The following NCOA2 variants were observed in gnomAD, a reference collection of about 807,000 sequenced individuals.
NCOA2 encodes the protein nuclear receptor coactivator 2.
Under a neutral mutation model 145.1 loss-of-function variants are expected in NCOA2, and 21 were observed. That is an observed-to-expected ratio of 0.14 (90% CI 0.10 to 0.21). NCOA2 has a LOEUF of 0.21. Among genes scored for constraint, NCOA2 ranks in the 10% least tolerant of loss-of-function variants. NCOA2 has a pLI of 1.00. For synonymous variants in NCOA2, 619 were observed against 637.5 expected (o/e 0.97, Z 0.44); for missense variants, 1,472 against 1,837.6 (o/e 0.80, Z 3.64).
Position 70,356,891 on chromosome 8 carries a change from A to G in NCOA2, c.-77+46809T>C, listed in dbSNP as rs531580493. 2.0e-5 allele frequency among the ~76,000 whole-genome samples: 3 copies of G among 152,322 alleles called. No individual in the cohort carries two copies. The South Asian group carries it at 6.2e-4, about 32-fold the overall frequency. On this transcript the variant is annotated intron_variant, in intron 1 of 22. Transcript: ENST00000452400. ...TTTTTACATAACAGGGAACATCATT[A>G]ATCTAGATTAAAGTCATCTTTTCTT...
At chr8:70,237,002 G>A (rs977061616) in intron 2 of NCOA2, among the ~76,000 whole-genome samples, 1 of 152,112 alleles carries the variant, frequency 6.6e-6, no homozygotes, top group African/African-American at 2.4e-5. Flanking sequence ...AGACAGAAAG[G>A]AAGTATTTCT....
At chr8:70,251,145 T>C (rs897614682) in intron 2 of NCOA2, among the ~76,000 whole-genome samples, 12 of 152,086 alleles carry the variant, frequency 7.9e-5, no homozygotes, top group African/African-American at 2.7e-4. Context: ...TAACATTAAC[T>C]AGAGAGTTTT....
At position 70,306,986 on chromosome 8, in the gene NCOA2, G is replaced by A. The variant is rs957019357; in HGVS notation, c.-76-10186C>T. ...TGAATCCAGGTCGTTCTGAATTCAAGGCCTCCACTCTCCCAGGTTGCTTCT... is the reference window on the plus strand; with the variant it reads ...TGAATCCAGGTCGTTCTGAATTCAAAGCCTCCACTCTCCCAGGTTGCTTCT... On this transcript the variant is annotated intron_variant, in intron 1 of 22. Transcript: ENST00000452400. 2.0e-5 allele frequency among the ~76,000 whole-genome samples: 3 copies of A among 152,118 alleles called. No individual in the cohort carries two copies. The East Asian group carries it at 5.8e-4, about 29-fold the overall frequency.
intron 4 of NCOA2, among the ~76,000 whole-genome samples, chr8:70,187,583 G>A (rs1816217173): frequency 6.6e-6 from 1 of 152,048 alleles, no homozygotes; most frequent in Non-Finnish European, 1.5e-5. Flanking sequence ...GGCTATGGAT[G>A]GATAAGTCAA....
chr8:70,281,429 A>C (rs1404908340), intron 2 of NCOA2, among the ~76,000 whole-genome samples: 1 of 151,690 alleles, frequency 6.6e-6, no homozygotes, highest in Non-Finnish European at 1.5e-5. Context: ...CTGCAGTTGC[A>C]TTAACTTAAA....
In NCOA2 at chr8:70,341,094, A is replaced by AAAAAAAAG. The variant is rs751360659; in HGVS notation, c.-76-44295_-76-44294insCTTTTTTT. Among the ~76,000 whole-genome samples, 186 of 150,326 alleles carry AAAAAAAAG rather than the reference A, an allele frequency of 1.2e-3. 4 individuals carry two copies. Among genetic ancestry groups the AAAAAAAAG allele is most frequent in the East Asian group, 8.9e-3 (44 of 4,966 alleles). ...AACTTAAAAAGTTGAAAAAAAAAAAAAAAGAAACAAATAGGCTGGGCATGG... is the reference window on the plus strand; with the variant it reads ...AACTTAAAAAGTTGAAAAAAAAAAAAAAAAAAAGAAAGAAACAAATAGGCTGGGCATGG... On this transcript the variant is annotated intron_variant, in intron 1 of 22. Coordinates refer to ENST00000452400, the MANE Select transcript of NCOA2 (RefSeq NM_006540.4).
At chr8:70,350,549 A>T (rs1427833719) in intron 1 of NCOA2, among the ~76,000 whole-genome samples, 1 of 152,200 alleles carries the variant, frequency 6.6e-6, no homozygotes, top group East Asian at 1.9e-4. Context: ...TTACTTACTA[A>T]ATCAATGTGA....
At chr8:70,123,675 C>CA in intron 21 of NCOA2, 1 of 417,268 alleles carries the variant, frequency 2.4e-6, no homozygotes, top group Non-Finnish European at 4.2e-6. Flanking sequence ...AAAAGCTCCT[C>CA]AAGCAGTCAG....
chr8:70,200,915 T>G (rs1305817553), intron 4 of NCOA2, among the ~76,000 whole-genome samples: 1 of 151,614 alleles, frequency 6.6e-6, no homozygotes, highest in African/African-American at 2.4e-5. Flanking sequence ...AAATGTGGTG[T>G]TGTACACCTG....
chr8:70,164,217 T>C (rs1813365987), intron 7 of NCOA2, among the ~76,000 whole-genome samples: 1 of 152,222 alleles, frequency 6.6e-6, no homozygotes, highest in South Asian at 2.1e-4. Flanking sequence ...CAGCCAATTC[T>C]AATCACTTAA....
intron 4 of NCOA2, among the ~76,000 whole-genome samples, chr8:70,212,358 T>C (rs1332323301): frequency 6.6e-6 from 1 of 152,142 alleles, no homozygotes; most frequent in African/African-American, 2.4e-5. Context: ...AACTGAGTTT[T>C]TGATAACTAG....
intron 10 of NCOA2, among the ~76,000 whole-genome samples, chr8:70,159,242 A>ATATATTTT: frequency 8.3e-4 from 51 of 61,078 alleles, no homozygotes; most frequent in African/African-American, 2.2e-3. Flanking sequence ...ATATATATAT[A>ATATATTTT]TTTTTTTTTT....
intron 1 of NCOA2, among the ~76,000 whole-genome samples, chr8:70,398,417 T>C (rs903051307): frequency 7.9e-5 from 12 of 152,130 alleles, no homozygotes; most frequent in Non-Finnish European, 1.5e-4. Flanking sequence ...GCTGTGATCA[T>C]GTCACTGCAC....
At chr8:70,161,519 T>C (rs2132387634) in intron 9 of NCOA2, among the ~76,000 whole-genome samples, 2 of 152,184 alleles carry the variant, frequency 1.3e-5, no homozygotes, top group South Asian at 4.1e-4. Flanking sequence ...AAAGAATGAA[T>C]AAGATGAGGG....
intron 4 of NCOA2, among the ~76,000 whole-genome samples, chr8:70,188,548 A>C (rs1816329101): frequency 6.6e-6 from 1 of 152,256 alleles, no homozygotes; most frequent in Admixed American, 6.5e-5. Flanking sequence ...TAATAATATT[A>C]TTCTGCATTT....
At chr8:70,328,624 G>A (rs1806803206) in intron 1 of NCOA2, among the ~76,000 whole-genome samples, 1 of 151,874 alleles carries the variant, frequency 6.6e-6, no homozygotes, top group African/African-American at 2.4e-5. Flanking sequence ...AGGTTAAGAG[G>A]AAAAAAACTC....
intron 2 of NCOA2, among the ~76,000 whole-genome samples, chr8:70,262,009 T>A (rs1171751477): frequency 6.6e-6 from 1 of 151,962 alleles, no homozygotes; most frequent in Non-Finnish European, 1.5e-5. Flanking sequence ...TAAAATAAGT[T>A]AAAAATTTAA....
chr8:70,214,190 C>G lies in NCOA2; in HGVS notation c.87-115G>C, dbSNP rs1819346393. On this transcript the variant is annotated intron_variant, in intron 3 of 22. Coordinates refer to ENST00000452400, the MANE Select transcript of NCOA2 (RefSeq NM_006540.4). ...AGCAAACAAAAGCTACCTATATAAA[C>G]ACAGAAATACTTTTGGGGGAAAAAC... 9.3e-6 allele frequency: 9 copies of G among 971,434 alleles called. No homozygotes were observed. The South Asian group carries it at 1.2e-4, about 13-fold the overall frequency. The allele number at this position is 971,434 out of a possible 1,614,324, so 60.2% of individuals were successfully genotyped here.
intron 15 of NCOA2, among the ~76,000 whole-genome samples, chr8:70,135,863 T>C (rs1011837371): frequency 6.6e-6 from 1 of 152,196 alleles, no homozygotes; most frequent in African/African-American, 2.4e-5. Flanking sequence ...TACATGTTTA[T>C]TTATGGACTA....
Sources: gnomAD v4.1 joint callset for allele counts (sites outside exome capture counted in the v4.1 genomes callset) on GRCh38, gnomAD v4.1.1 for gene constraint, MANE v1.5 for transcripts, NCBI Gene and HGNC (gene_info 2026-07-23, HGNC 2026-07-21) for gene names.